BCOR: variants seen among roughly 807,000 people sequenced by gnomAD.
BCOR encodes the protein BCL-6 corepressor.
BCOR carries 10 observed loss-of-function variants against 86.7 expected under a neutral mutation model. The ratio of observed to expected loss-of-function variants is 0.12; its 90% CI spans 0.07 to 0.20. The LOEUF is 0.20. Among genes scored for constraint, BCOR ranks in the 10% least tolerant of loss-of-function variants. BCOR has a pLI of 1.00. For missense variants in BCOR, 1,259 were observed against 1,452.1 expected (o/e 0.87, Z 2.16); for synonymous variants, 611 against 609.0 (o/e 1.00, Z -0.05).
rs1318747465 is a variant in BCOR at position 40,071,063 on chromosome X, C to T, written c.3148G>A (p.Asp1050Asn). Residue 1050 changes from aspartate (D) to asparagine (N), a missense_variant, in exon 6 of 15, where the codon GAC (aspartate) becomes AAC (asparagine). Physicochemically the swap from Asp to Asn is conservative, Grantham distance 23. Transcript: ENST00000378444. ...DSEMCKFSPADWERLKGNQDK... is the reference protein window; with the variant it reads ...DSEMCKFSPANWERLKGNQDK... ...TGATTTCCTTTCAACCTTTCCCAGT[C>T]GGCTGGGCTGAATTTGCACATCTCG... The T allele has an allele frequency of 4.1e-6, 5 of 1,211,132 alleles. No homozygotes were observed. Among genetic ancestry groups the T allele is most frequent in the Non-Finnish European group, 5.6e-6 (5 of 895,253 alleles).
At chrX:40,144,413 A>G (rs777613464) in intron 1 of BCOR, among the ~76,000 whole-genome samples, 3 of 111,879 alleles carry the variant, frequency 2.7e-5, no homozygotes, top group East Asian at 2.8e-4. Context: ...CCCCAAAATG[A>G]CAAACGCCAA....
chrX:40,117,146 T>A (rs1164180418), intron 1 of BCOR, among the ~76,000 whole-genome samples: 3 of 112,516 alleles, frequency 2.7e-5, no homozygotes, highest in Non-Finnish European at 5.6e-5. Flanking sequence ...GAGTATTTCT[T>A]CTTTTCGGCT....
intron 1 of BCOR, among the ~76,000 whole-genome samples, chrX:40,138,338 G>A (rs765479789): frequency 1.8e-5 from 2 of 111,811 alleles, no homozygotes; most frequent in Non-Finnish European, 3.8e-5. Context: ...TGTGCTGAGC[G>A]TAGGCAATCC....
chrX:40,072,579 G>C lies in BCOR; in HGVS notation c.2767C>G (p.Pro923Ala). 2 of 1,212,029 alleles carry C rather than the reference G, an allele frequency of 1.7e-6. No individual in the cohort carries two copies. Among genetic ancestry groups the C allele is most frequent in the East Asian group, 3.0e-5 (1 of 33,859 alleles). Reference protein sequence around the residue: ...TFGKTQEDPKPFCVGSAPPSV... With the variant: ...TFGKTQEDPKAFCVGSAPPSV... Reference sequence around the variant, plus strand: ...GGTGGGGCACTGCCCACACAAAATGGTTTGGGATCCTCTTGGGTTTTACCA... The same window carrying C: ...GGTGGGGCACTGCCCACACAAAATGCTTTGGGATCCTCTTGGGTTTTACCA... The change falls in exon 4 of 15, where the codon CCA (proline) becomes GCA (alanine). Residue 923 changes from proline (P) to alanine (A), a missense_variant. Around this residue, in one of 7 missense-constraint regions of BCOR, gnomAD observed 534 missense variants for 594.8 expected, o/e 0.90. Transcript: ENST00000378444.
At position 40,115,747 on chromosome X, in the gene BCOR, AGCCTGG is replaced by A. The variant is rs1343252865; in HGVS notation, c.-40-37784_-40-37779del. On this transcript the variant is annotated intron_variant, in intron 1 of 14. Coordinates refer to the BCOR transcript ENST00000342274. ...AGCCGAGATCGCACCACTGCACTCC[AGCCTGG>A]GTGACAGAGTGTGACTGTGTCTCAA... is the stretch of plus-strand genomic sequence containing the variant. Among the ~76,000 whole-genome samples the A allele has an allele frequency of 2.8e-5, 3 of 105,431 alleles. No homozygotes were observed. The Admixed American group carries it at 3.1e-4, about 11-fold the overall frequency. The allele number at this position is 105,431 out of a possible 115,157, so 91.6% of individuals were successfully genotyped here. A position where few individuals can be genotyped will look rare whatever the true frequency, so the allele number is the denominator to read the frequency against.
intron 2 of BCOR, 165 bp downstream of exon 2, chrX:40,077,679 A>G (rs1292140906): frequency 1.7e-5 from 8 of 471,345 alleles, no homozygotes; most frequent in South Asian, 3.1e-5. Flanking sequence ...GCAATGCTTC[A>G]CTGAGCCAGG....
chrX:40,077,977 A>C lies in BCOR; in HGVS notation c.-40-8T>G. 9.2e-7 allele frequency: 1 copy of C among 1,091,007 alleles called. No individual in the cohort carries two copies. The highest frequency in any genetic ancestry group is 1.3e-6 in the Non-Finnish European group (1 of 785,258). The allele number at this position is 1,091,007 out of a possible 1,213,427, so 89.9% of individuals were successfully genotyped here. ...TTGCTTCAAGCGTCTAGTCTGTTAA[A>C]AGGAAAGAAAAAAAATCCCAGGAGG... On this transcript the variant is annotated splice_polypyrimidine_tract_variant and splice_region_variant and intron_variant, in intron 1 of 14. Coordinates refer to ENST00000378444, the MANE Select transcript of BCOR (RefSeq NM_001123385.2).
At chrX:40,091,826 G>A (rs1400771133) in intron 1 of BCOR, among the ~76,000 whole-genome samples, 1 of 112,949 alleles carries the variant, frequency 8.9e-6, no homozygotes, top group Non-Finnish European at 1.9e-5. Flanking sequence ...GAATCCCGTC[G>A]GCCATAAACA....
intron 1 of BCOR, among the ~76,000 whole-genome samples, chrX:40,165,313 G>A (rs1938491919): frequency 1.8e-5 from 2 of 111,747 alleles, no homozygotes; most frequent in African/African-American, 6.5e-5. Context: ...GGATGAACCC[G>A]CCAAAAATAA....
chrX:40,056,716 G>T (rs1005305737), intron 11 of BCOR, among the ~76,000 whole-genome samples: 3 of 111,933 alleles, frequency 2.7e-5, no homozygotes, highest in African/African-American at 6.5e-5. Flanking sequence ...CAGGGTCAAG[G>T]ACAGGGTGAG....
chrX:40,133,752 G>T (rs183099109), intron 1 of BCOR, among the ~76,000 whole-genome samples: 49 of 110,884 alleles, frequency 4.4e-4, no homozygotes, highest in African/African-American at 1.5e-3. Context: ...GAGCCACCGC[G>T]CCCGGCCTCA....
chrX:40,088,640 G>T (rs1381331749), intron 1 of BCOR, among the ~76,000 whole-genome samples: 2 of 112,292 alleles, frequency 1.8e-5, no homozygotes, highest in East Asian at 5.6e-4. Context: ...ATCCATACAG[G>T]TCTGGTTTTC....
At chrX:40,099,418 C>T (rs1223857324), upstream of BCOR, among the ~76,000 whole-genome samples, 1 of 111,879 alleles carries the variant, frequency 8.9e-6, no homozygotes, top group Admixed American at 9.3e-5. Context: ...CCCCATTCGG[C>T]TGCCCACTAG....
intron 1 of BCOR, among the ~76,000 whole-genome samples, chrX:40,169,607 T>A (rs747802805): frequency 1.0e-4 from 11 of 108,190 alleles, no homozygotes; most frequent in African/African-American, 3.4e-4. Flanking sequence ...CCTTCTGGTT[T>A]AAAAAAAAAC....
intron 1 of BCOR, among the ~76,000 whole-genome samples, chrX:40,163,020 CA>C (rs768807264): frequency 8.9e-6 from 1 of 111,915 alleles, no homozygotes; most frequent in Non-Finnish European, 1.9e-5. Context: ...AACCACACCT[CA>C]GGGAGGGCAC....
chrX:40,071,585 T>C, intron 5 of BCOR, 52 bp downstream of exon 5: 1 of 927,197 alleles, frequency 1.1e-6, no homozygotes, highest in East Asian at 3.1e-5. Flanking sequence ...AAATGAAATT[T>C]AACTCAAAAG....
At chrX:40,127,321 A>T (rs959643639) in intron 1 of BCOR, among the ~76,000 whole-genome samples, 4 of 112,180 alleles carry the variant, frequency 3.6e-5, no homozygotes, top group Admixed American at 2.8e-4. Flanking sequence ...TGCAGCTGAC[A>T]GCTGGCACCA....
intron 4 of BCOR, 192 bp from the exon 5 acceptor site, chrX:40,071,882 T>TA (rs1935491545): frequency 2.4e-6 from 1 of 420,566 alleles, no homozygotes; most frequent in South Asian, 4.4e-5. Flanking sequence ...ATACATACTC[T>TA]ATCCCTTTAA....
intron 1 of BCOR, among the ~76,000 whole-genome samples, chrX:40,143,220 C>G (rs1937960845): frequency 1.8e-5 from 2 of 109,651 alleles, no homozygotes; most frequent in Admixed American, 9.6e-5. Flanking sequence ...TGCTGTGTGT[C>G]TGTGTGTGTG....
Sources: allele counts gnomAD v4.1 joint callset (sites outside exome capture counted in the v4.1 genomes callset), GRCh38; gene constraint gnomAD v4.1.1; regional missense constraint gnomAD v4.1.1; transcripts MANE v1.5; gene names NCBI Gene and HGNC (gene_info 2026-07-23, HGNC 2026-07-21).